PRKG2: variants seen among roughly 807,000 people sequenced by gnomAD.
The protein encoded by PRKG2 is protein kinase cGMP-dependent 2, also known as cGMP-dependent protein kinase 2.
Under a neutral mutation model 97.2 loss-of-function variants are expected in PRKG2, and 33 were observed. The ratio of observed to expected loss-of-function variants is 0.34; its 90% CI spans 0.26 to 0.45. PRKG2 has a LOEUF of 0.45. Among genes scored for constraint, PRKG2 ranks in the 20% least tolerant of loss-of-function variants. The probability of loss-of-function intolerance (pLI) is 1.00; values close to 1 mark genes in which losing one functional copy is unlikely to be tolerated. For missense variants in PRKG2, 638 were observed against 900.0 expected, an observed-to-expected ratio of 0.71 and a Z score of 3.73; for synonymous variants, 330 against 321.8, an observed-to-expected ratio of 1.03 and a Z score of -0.27.
At chr4:81,119,986 G>A (rs138565414) in intron 14 of PRKG2, among the ~76,000 whole-genome samples, 12 of 152,190 alleles carry the variant, frequency 7.9e-5, no homozygotes, top group African/African-American at 2.6e-4. Context: ...GATATCTTAC[G>A]GATACTGTTA....
chr4:81,214,822 G>A (rs550373349), intron 1 of PRKG2, 114 bp downstream of exon 1: 2 of 152,486 alleles, frequency 1.3e-5, no homozygotes, highest in South Asian at 2.1e-4. Context: ...GTGTGGAATA[G>A]AGGCGCACAT....
Position 81,087,514 on chromosome 4 carries a change from A to C in PRKG2, c.*2194T>G, listed in dbSNP as rs781529979. ...TGGTTATTAAGGCCCCTTTAATTTT[A>C]ATAGAGACAGTAACAGTAGCTCCCG... On this transcript the variant is annotated 3_prime_UTR_variant, in exon 19 of 19. Transcript: ENST00000264399. 1.3e-5 allele frequency: 2 copies of C among 152,164 alleles called. No individual in the cohort carries two copies. Among genetic ancestry groups the C allele is most frequent in the African/African-American group, 2.4e-5 (1 of 41,462 alleles). 9.4% of individuals were successfully genotyped at this position (152,164 alleles called of 1,614,324 possible). A position where few individuals can be genotyped will look rare whatever the true frequency, so the allele number is the denominator to read the frequency against.
intron 14 of PRKG2, among the ~76,000 whole-genome samples, chr4:81,111,431 TA>T (rs78734275): frequency 0.14 from 20,459 of 151,126 alleles, 2,681 homozygotes; most frequent in East Asian, 0.39. Flanking sequence ...TGATTAATAT[TA>T]TATCATGTTA....
chr4:81,133,901 T>A lies in PRKG2; in HGVS notation c.1776+1254A>T, dbSNP rs1358263234. On this transcript the variant is annotated intron_variant, in intron 14 of 18. Coordinates refer to ENST00000264399, the MANE Select transcript of PRKG2 (RefSeq NM_006259.3). ...AAAATCAGTTATGAGAAAAAAGAGA[T>A]GGAGCTACTGAATTGTCTGCATCCC... Among the ~76,000 whole-genome samples the A allele has an allele frequency of 5.9e-5, 9 of 152,202 alleles. No homozygotes were observed. The East Asian group carries it at 1.4e-3, about 23-fold the overall frequency.
chr4:81,139,965 C>T (rs1414796982), intron 12 of PRKG2, among the ~76,000 whole-genome samples: 1 of 151,954 alleles, frequency 6.6e-6, no homozygotes, highest in East Asian at 1.9e-4. Flanking sequence ...ACTACTCAAC[C>T]ATACAAAAAA....
chr4:81,095,418 C>A (rs957895826), intron 17 of PRKG2, among the ~76,000 whole-genome samples: 2 of 152,142 alleles, frequency 1.3e-5, no homozygotes, highest in Non-Finnish European at 2.9e-5. Context: ...TCTATGGATT[C>A]TTTTCTTTTG....
chr4:81,212,061 C>T (rs1166478701), intron 1 of PRKG2, among the ~76,000 whole-genome samples: 1 of 152,144 alleles, frequency 6.6e-6, no homozygotes, highest in Non-Finnish European at 1.5e-5. Context: ...GAGTTGTTGT[C>T]CTTGTGAGAA....
intron 12 of PRKG2, among the ~76,000 whole-genome samples, chr4:81,139,731 C>T (rs1433491445): frequency 6.8e-6 from 1 of 147,400 alleles, no homozygotes; most frequent in Admixed American, 6.9e-5. Context: ...GCAAAGATCA[C>T]GCCACTGCAC....
At chr4:81,205,199 G>A in intron 1 of PRKG2, 139 bp from the exon 2 acceptor site, 4 of 533,336 alleles carry the variant, frequency 7.5e-6, no homozygotes, top group Middle Eastern at 4.9e-4. Flanking sequence ...ACTTCCCGAA[G>A]TTTCCAGAAA....
chr4:81,175,948 C>A (rs1271091248), intron 2 of PRKG2: 1 of 152,070 alleles, frequency 6.6e-6, no homozygotes, highest in Non-Finnish European at 1.5e-5. Flanking sequence ...TTTTTAAGTA[C>A]TTTTTTCTGT....
At chr4:81,185,861 C>A (rs1437522557) in intron 2 of PRKG2, among the ~76,000 whole-genome samples, 1 of 151,934 alleles carries the variant, frequency 6.6e-6, no homozygotes, top group African/African-American at 2.4e-5. Flanking sequence ...CTACAAAGAT[C>A]AAAAAAGACA....
At chr4:81,137,122 ACT>A (rs2110030907) in intron 13 of PRKG2, among the ~76,000 whole-genome samples, 1 of 149,988 alleles carries the variant, frequency 6.7e-6, no homozygotes, top group East Asian at 2.0e-4. Context: ...TTTTACCCTG[ACT>A]CTGCTTTATA....
At chr4:81,165,675 C>T (rs1425762572) in intron 6 of PRKG2, among the ~76,000 whole-genome samples, 3 of 152,126 alleles carry the variant, frequency 2.0e-5, no homozygotes, top group African/African-American at 7.2e-5. Context: ...TCTGCAAATG[C>T]TGAGATACAG....
intron 2 of PRKG2, among the ~76,000 whole-genome samples, chr4:81,183,364 C>G (rs1043000539): frequency 6.6e-6 from 1 of 151,968 alleles, no homozygotes; most frequent in East Asian, 1.9e-4. Flanking sequence ...GGTGAGGCAT[C>G]GCCTCACCCA....
chr4:81,112,857 G>T (rs556736130), intron 14 of PRKG2, among the ~76,000 whole-genome samples: 10 of 152,240 alleles, frequency 6.6e-5, no homozygotes, highest in African/African-American at 2.4e-4. Context: ...GATACTACCA[G>T]AAAGTCTCAG....
intron 2 of PRKG2, among the ~76,000 whole-genome samples, chr4:81,196,573 C>T (rs1752972494): frequency 6.6e-6 from 1 of 152,120 alleles, no homozygotes; most frequent in South Asian, 2.1e-4. Flanking sequence ...TTTCCCAGAG[C>T]TTAATCTGTA....
intron 2 of PRKG2, among the ~76,000 whole-genome samples, chr4:81,179,063 T>C (rs904717151): frequency 7.3e-5 from 11 of 151,430 alleles, no homozygotes; most frequent in African/African-American, 1.7e-4. Context: ...AGGCAGAGGT[T>C]GCAGTGAGCC....
chr4:81,217,756 G>A (rs1184029332), upstream of PRKG2, among the ~76,000 whole-genome samples: 1 of 152,208 alleles, frequency 6.6e-6, no homozygotes, highest in African/African-American at 2.4e-5. Flanking sequence ...TTAGATGTGG[G>A]AGGCTGCAAT....
intron 8 of PRKG2, among the ~76,000 whole-genome samples, chr4:81,149,802 T>C (rs1332830579): frequency 6.6e-6 from 1 of 152,180 alleles, no homozygotes; most frequent in Non-Finnish European, 1.5e-5. Flanking sequence ...CCCTGGAGTA[T>C]GCTTTGGGAC....
Sources: gnomAD v4.1 joint callset for allele counts (sites outside exome capture counted in the v4.1 genomes callset) on GRCh38, gnomAD v4.1.1 for gene constraint, MANE v1.5 for transcripts, NCBI Gene and HGNC (gene_info 2026-07-23, HGNC 2026-07-21) for gene names.